TMPRSS9: variants seen among roughly 807,000 people sequenced by gnomAD.
The protein encoded by TMPRSS9 is transmembrane protease serine 9.
Under a neutral mutation model 111.4 loss-of-function variants are expected in TMPRSS9, and 113 were observed. The ratio of observed to expected loss-of-function variants is 1.01; its 90% CI spans 0.87 to 1.19. The LOEUF (loss-of-function observed/expected upper bound fraction) is 1.19. Among genes scored for constraint, TMPRSS9 ranks in the 50% most tolerant of loss-of-function variants. TMPRSS9 has a pLI of 0.00. For missense variants in TMPRSS9, 1,803 were observed against 1,513.1 expected, an observed-to-expected ratio of 1.19 and a Z score of -3.18; for synonymous variants, 805 against 659.1, an observed-to-expected ratio of 1.22 and a Z score of -3.39.
rs754136604 is a variant in TMPRSS9, at chr19:2,424,308, G to A, written c.2717+51G>A. On this transcript the variant is annotated intron_variant, in intron 15 of 17. Coordinates refer to ENST00000648592, the Ensembl canonical transcript of TMPRSS9. The stretch of plus-strand genomic sequence containing the variant: ...CCTACATGTCTCTGTAGCTCACCCG[G>A]AACCGAACTGTTGCCCGAAAACGCA... 1.0e-5 allele frequency: 13 copies of A among 1,297,822 alleles called. No homozygotes were observed. In the South Asian group the frequency reaches 3.5e-4, roughly 35 times the overall value. The allele number at this position is 1,297,822 out of a possible 1,614,324, so 80.4% of individuals were successfully genotyped here.
intron 1 of TMPRSS9, among the ~76,000 whole-genome samples, chr19:2,362,255 T>C (rs1470959986): frequency 1.3e-5 from 2 of 152,122 alleles, no homozygotes; most frequent in Non-Finnish European, 2.9e-5. Context: ...TCGATGGCTG[T>C]ATAACTGTGT....
intron 9 of TMPRSS9, among the ~76,000 whole-genome samples, chr19:2,411,299 C>CAAAAAAAA (rs771305642): frequency 2.8e-4 from 9 of 32,318 alleles, no homozygotes; most frequent in Non-Finnish European, 3.4e-4. Flanking sequence ...GACTCTGTCT[C>CAAAAAAAA]AAAAAAAAAA....
exon 15 of TMPRSS9, chr19:2,424,240 G>C (rs756381380): frequency 2.1e-6 from 3 of 1,400,910 alleles, no homozygotes; most frequent in Non-Finnish European, 2.8e-6. Context: ...TGCTGTCGGC[G>C]GCGCACTGCT....
At chr19:2,403,709 A>T (rs79132434) in intron 6 of TMPRSS9, among the ~76,000 whole-genome samples, 1 of 151,308 alleles carries the variant, frequency 6.6e-6, no homozygotes, top group Non-Finnish European at 1.5e-5. Flanking sequence ...AAAAAAAAAA[A>T]TTGGCCAGGC....
At chr19:2,412,652 C>G (rs1228660117) in intron 9 of TMPRSS9, among the ~76,000 whole-genome samples, 1 of 152,128 alleles carries the variant, frequency 6.6e-6, no homozygotes, top group African/African-American at 2.4e-5. Context: ...ATGGGCTGGG[C>G]TGCCACTTCC....
intron 8 of TMPRSS9, 32 bp downstream of exon 9, chr19:2,408,662 C>T (rs1971024424): frequency 1.3e-6 from 2 of 1,588,778 alleles, no homozygotes; most frequent in African/African-American, 1.3e-5. Flanking sequence ...CAAGTGAGCT[C>T]AGGCAGGCAG....
At chr19:2,374,203 A>G (rs1970311942) in intron 1 of TMPRSS9, among the ~76,000 whole-genome samples, 1 of 149,910 alleles carries the variant, frequency 6.7e-6, no homozygotes, top group Non-Finnish European at 1.5e-5. Flanking sequence ...GAGAGGCTCA[A>G]AGTCCTGCCT....
intron 1 of TMPRSS9, among the ~76,000 whole-genome samples, chr19:2,381,148 C>T (rs1221723691): frequency 1.5e-4 from 23 of 151,958 alleles, no homozygotes; most frequent in Admixed American, 1.3e-3. Flanking sequence ...CAGGGTTCGA[C>T]GCAGCCAGGC....
intron 2 of TMPRSS9, among the ~76,000 whole-genome samples, chr19:2,398,569 G>A (rs117667569): frequency 0.051 from 7,824 of 152,136 alleles, 227 homozygotes; most frequent in Non-Finnish European, 0.059. Context: ...AGTGAGTGGA[G>A]AATGCACTAC....
At chr19:2,401,636 C>G (rs1010271879) in intron 4 of TMPRSS9, among the ~76,000 whole-genome samples, 1 of 151,824 alleles carries the variant, frequency 6.6e-6, no homozygotes, top group Non-Finnish European at 1.5e-5. Flanking sequence ...GAGATGGAGT[C>G]TCGCTCTGTC....
intron 1 of TMPRSS9, among the ~76,000 whole-genome samples, chr19:2,368,647 G>A (rs547125098): frequency 6.6e-6 from 1 of 152,198 alleles, no homozygotes; most frequent in African/African-American, 2.4e-5. Flanking sequence ...GAGCCTGGGC[G>A]ATGCCCTGCT....
At chr19:2,389,230 C>G, upstream of TMPRSS9, among the ~76,000 whole-genome samples, 1 of 146,164 alleles carries the variant, frequency 6.8e-6, no homozygotes, top group East Asian at 2.1e-4. Context: ...CCCACCACCA[C>G]GCCTGACTAA....
intron 1 of TMPRSS9, among the ~76,000 whole-genome samples, chr19:2,383,322 C>G (rs948842369): frequency 6.6e-6 from 1 of 151,674 alleles, no homozygotes; most frequent in African/African-American, 2.4e-5. Context: ...CCACTGCACT[C>G]CAGCCTGGGT....
chr19:2,408,286 G>A (rs1971013947), intron 7 of TMPRSS9, 70 bp from the exon 9 acceptor site: 14 of 1,512,882 alleles, frequency 9.3e-6, no homozygotes, highest in Admixed American at 5.4e-5. Context: ...CACCCAAGGC[G>A]AGTGTCCCGT....
chr19:2,364,136 C>T (rs1290170257), intron 1 of TMPRSS9, among the ~76,000 whole-genome samples: 2 of 152,066 alleles, frequency 1.3e-5, no homozygotes, highest in African/African-American at 2.4e-5. Flanking sequence ...GAACTGTGAT[C>T]ACACCACTGC....
intron 1 of TMPRSS9, among the ~76,000 whole-genome samples, chr19:2,380,217 G>A (rs1303940730): frequency 1.3e-5 from 2 of 151,960 alleles, no homozygotes; most frequent in Non-Finnish European, 2.9e-5. Flanking sequence ...CCAAGAAATC[G>A]AGGCTGCAAT....
At chr19:2,416,794 A>G (rs770355850) in exon 12 of TMPRSS9, 2 of 1,610,252 alleles carry the variant, frequency 1.2e-6, no homozygotes, top group Admixed American at 3.3e-5. Context: ...ATGGGGAAAT[A>G]CGCAGGAAGG....
chr19:2,389,745 G>A, upstream of TMPRSS9: 1 of 1,586,822 alleles, frequency 6.3e-7, no homozygotes, highest in Non-Finnish European at 8.6e-7. Flanking sequence ...TTTCTGTCTT[G>A]CTGTGTGGCA....
chr19:2,408,651 G>A, intron 8 of TMPRSS9, 21 bp downstream of exon 9: 1 of 1,598,778 alleles, frequency 6.3e-7, no homozygotes, highest in Non-Finnish European at 8.5e-7. Context: ...TCCTCGGCCT[G>A]CAAGTGAGCT....
Sources: allele counts gnomAD v4.1 joint callset (sites outside exome capture counted in the v4.1 genomes callset), GRCh38; gene constraint gnomAD v4.1.1; transcripts MANE v1.5; gene names NCBI Gene and HGNC (gene_info 2026-07-23, HGNC 2026-07-21).